GMDS: variants seen among roughly 807,000 people sequenced by gnomAD.
GMDS encodes the protein GDP-mannose 4,6 dehydratase.
In GMDS, 20 loss-of-function variants were observed where a neutral mutation model predicts 49.9. The ratio of observed to expected loss-of-function variants is 0.40; its 90% confidence interval spans 0.28 to 0.58. The LOEUF is 0.58. Among genes scored for constraint, GMDS ranks in the 20% least tolerant of loss-of-function variants. The pLI, the probability that GMDS is intolerant of heterozygous loss-of-function variation, is 0.42. For synonymous variants in GMDS, 177 were observed against 178.6 expected (o/e 0.99, Z 0.07); for missense variants, 362 against 481.4 (o/e 0.75, Z 2.32).
At chr6:2,071,389 A>G (rs1771987689) in intron 4 of GMDS, among the ~76,000 whole-genome samples, 1 of 152,120 alleles carries the variant, frequency 6.6e-6, no homozygotes, top group Non-Finnish European at 1.5e-5. Flanking sequence ...GGGTGACAAG[A>G]GTTTGTCCTG....
intron 8 of GMDS, among the ~76,000 whole-genome samples, chr6:1,739,060 T>C (rs1214162253): frequency 6.6e-6 from 1 of 152,220 alleles, no homozygotes; most frequent in East Asian, 1.9e-4. Context: ...TTGAGAGCAC[T>C]GAGGATAACC....
intron 7 of GMDS, among the ~76,000 whole-genome samples, chr6:1,839,170 T>A (rs1352332249): frequency 6.6e-6 from 1 of 151,988 alleles, no homozygotes; most frequent in Non-Finnish European, 1.5e-5. Flanking sequence ...AAAGTGAGCA[T>A]GTCTACATTT....
At chr6:1,995,338 C>T (rs933519992) in intron 4 of GMDS, among the ~76,000 whole-genome samples, 2 of 152,182 alleles carry the variant, frequency 1.3e-5, no homozygotes, top group Non-Finnish European at 2.9e-5. Flanking sequence ...TGACTGGACA[C>T]AGGCTGCCTG....
chr6:1,892,362 T>C (rs1255073789), intron 7 of GMDS, among the ~76,000 whole-genome samples: 3 of 152,130 alleles, frequency 2.0e-5, no homozygotes, highest in Admixed American at 6.5e-5. Context: ...CACTTTTAAT[T>C]AAGCTTTTTT....
intron 2 of GMDS, among the ~76,000 whole-genome samples, chr6:2,120,347 T>C (rs574966658): frequency 1.3e-5 from 2 of 152,264 alleles, no homozygotes; most frequent in African/African-American, 4.8e-5. Flanking sequence ...CTTAGCCTTT[T>C]TTTTAATCAA....
At chr6:1,865,065 C>T (rs1758379894) in intron 7 of GMDS, among the ~76,000 whole-genome samples, 2 of 152,192 alleles carry the variant, frequency 1.3e-5, no homozygotes. Context: ...TCCCCAACTC[C>T]ATGCTCCCAT....
intron 1 of GMDS, among the ~76,000 whole-genome samples, chr6:2,126,969 T>A (rs951702550): frequency 6.6e-6 from 1 of 152,232 alleles, no homozygotes; most frequent in Non-Finnish European, 1.5e-5. Flanking sequence ...CTTCTTGAGG[T>A]AAATATTCTA....
In GMDS at chr6:2,115,909, T is replaced by C. The variant is rs145746353; in HGVS notation, c.236-29A>G. 56 of 1,230,746 alleles carry C rather than the reference T, an allele frequency of 4.6e-5. No individual in the cohort carries two copies. The African/African-American group carries it at 6.3e-4, about 14-fold the overall frequency. 76.2% of individuals were successfully genotyped at this position (1,230,746 alleles called of 1,614,324 possible). A position where few individuals can be genotyped will look rare whatever the true frequency, so the allele number is the denominator to read the frequency against. ...CAGGATACAAAAACATCCCATTAGA[T>C]AGAGAAAAGCAACATAAGCTCAATT... On this transcript the variant is annotated intron_variant, in intron 3 of 10. Coordinates refer to ENST00000380815, the MANE Select transcript of GMDS (RefSeq NM_001500.4).
At chr6:2,025,657 T>G (rs1768552267) in intron 4 of GMDS, among the ~76,000 whole-genome samples, 1 of 152,164 alleles carries the variant, frequency 6.6e-6, no homozygotes, top group African/African-American at 2.4e-5. Context: ...TTCCTAATAC[T>G]TGTACCTTAA....
At chr6:1,792,093 T>C (rs937295565) in intron 7 of GMDS, among the ~76,000 whole-genome samples, 1 of 152,206 alleles carries the variant, frequency 6.6e-6, no homozygotes, top group Non-Finnish European at 1.5e-5. Flanking sequence ...CCCTCTATAA[T>C]TACTTCTCAA....
chr6:1,778,235 A>G lies in GMDS; in HGVS notation c.772-35649T>C, dbSNP rs1163750745. ...GGGATGACTATTTATATGACAGGTA[A>G]GGGAATAACTTTGCTGGATTCTGTT... is the stretch of plus-strand genomic sequence containing the variant. On this transcript the variant is annotated intron_variant, in intron 7 of 10. Transcript: ENST00000380815. The surrounding 1 kb of genome is among the most constrained non-coding windows in gnomAD (Gnocchi z 4.6). Among the ~76,000 whole-genome samples, 1 of 152,194 alleles carries G rather than the reference A, an allele frequency of 6.6e-6. No homozygotes were observed. The highest frequency in any genetic ancestry group is 1.5e-5 in the Non-Finnish European group (1 of 68,024).
At chr6:2,241,469 T>G (rs777059239) in intron 1 of GMDS, among the ~76,000 whole-genome samples, 4 of 152,272 alleles carry the variant, frequency 2.6e-5, no homozygotes, top group Non-Finnish European at 5.9e-5. Flanking sequence ...GGTTTGGATC[T>G]TTGACCCCTC....
At chr6:2,171,531 C>T (rs1233535208) in intron 1 of GMDS, among the ~76,000 whole-genome samples, 1 of 152,108 alleles carries the variant, frequency 6.6e-6, no homozygotes, top group Admixed American at 6.5e-5. Flanking sequence ...AAAACAAACA[C>T]AGAATAAAGT....
intron 9 of GMDS, among the ~76,000 whole-genome samples, chr6:1,713,229 T>C (rs1189470417): frequency 6.6e-6 from 1 of 152,208 alleles, no homozygotes; most frequent in African/African-American, 2.4e-5. Flanking sequence ...AAACCACCAT[T>C]AAAACCATTC....
At chr6:1,686,468 C>A (rs976467533) in intron 9 of GMDS, among the ~76,000 whole-genome samples, 3 of 152,146 alleles carry the variant, frequency 2.0e-5, no homozygotes, top group Non-Finnish European at 4.4e-5. Context: ...ACACTTTGGC[C>A]ATCATTCTCT....
intron 9 of GMDS, among the ~76,000 whole-genome samples, chr6:1,628,749 G>T (rs1368150087): frequency 2.0e-5 from 3 of 152,188 alleles, no homozygotes. Flanking sequence ...AATAGGAGAA[G>T]ATGTATGGAC....
At chr6:1,897,777 G>A (rs536502626) in intron 7 of GMDS, among the ~76,000 whole-genome samples, 17 of 152,294 alleles carry the variant, frequency 1.1e-4, no homozygotes, top group Non-Finnish European at 2.4e-4. Flanking sequence ...CTACCTCTAT[G>A]TACGTACTCA....
At chr6:1,948,440 T>C (rs974356097) in intron 6 of GMDS, among the ~76,000 whole-genome samples, 7 of 152,184 alleles carry the variant, frequency 4.6e-5, no homozygotes, top group African/African-American at 1.4e-4. Flanking sequence ...ACCATATACA[T>C]TTCATGTAAG....
At chr6:2,197,800 A>G (rs186572631) in intron 1 of GMDS, among the ~76,000 whole-genome samples, 1 of 152,300 alleles carries the variant, frequency 6.6e-6, no homozygotes, top group East Asian at 1.9e-4. Flanking sequence ...ATGGCAAAGG[A>G]AGACACCCCT....
Sources: gnomAD v4.1 joint callset for allele counts (sites outside exome capture counted in the v4.1 genomes callset) on GRCh38, gnomAD v4.1.1 for gene constraint, Gnocchi (gnomAD v3.1) non-coding constraint, MANE v1.5 for transcripts, NCBI Gene and HGNC (gene_info 2026-07-23, HGNC 2026-07-21) for gene names.